DCN: variants seen among roughly 807,000 people sequenced by gnomAD.
DCN encodes the protein decorin.
A neutral mutation model predicts 36.5 loss-of-function variants in DCN; 17 were observed. That is an observed-to-expected ratio of 0.47 (90% CI 0.32 to 0.70). The LOEUF (loss-of-function observed/expected upper bound fraction) is 0.70, where lower values mean the gene tolerates loss of function less well. Ranked by LOEUF, DCN falls within the 30% of genes least tolerant of loss-of-function variation. DCN has a pLI of 0.04. For synonymous variants in DCN, 163 were observed against 161.4 expected (o/e 1.01, Z -0.07); for missense variants, 389 against 430.1 (o/e 0.90, Z 0.84).
intron 3 of DCN, among the ~76,000 whole-genome samples, chr12:91,164,399 T>TA (rs1882372625): frequency 4.6e-5 from 1 of 21,862 alleles, no homozygotes; most frequent in African/African-American, 2.4e-4. Flanking sequence ...GAAGCATAAT[T>TA]CAAAAAAAAA....
chr12:91,149,239 A>G (rs1227212753), intron 7 of DCN, among the ~76,000 whole-genome samples: 1 of 152,220 alleles, frequency 6.6e-6, no homozygotes, highest in African/African-American at 2.4e-5. Context: ...AAATGATTTC[A>G]TGCTATAGGA....
In DCN at chr12:91,148,721, C is replaced by CAAAAAAAAAAAAAAAA. The variant is rs5799978; in HGVS notation, c.886-2485_886-2470dup. ...GGTGACAGAGCGAGACGCTCCGACT[C>CAAAAAAAAAAAAAAAA]AAAAAAAAAAAAAAAAAAAAAAAAA... On this transcript the variant is annotated intron_variant, in intron 7 of 7. Coordinates refer to ENST00000052754, the MANE Select transcript of DCN (RefSeq NM_001920.5). 1.6e-3 allele frequency among the ~76,000 whole-genome samples: 78 copies of CAAAAAAAAAAAAAAAA among 49,464 alleles called. 5 individuals carry two copies. Among genetic ancestry groups the CAAAAAAAAAAAAAAAA allele is most frequent in the African/African-American group, 3.4e-3 (51 of 15,222 alleles). The allele number at this position is 49,464 out of a possible 152,430, so 32.5% of individuals were successfully genotyped here.
chr12:91,157,234 A>G (rs1565777747), intron 4 of DCN, 46 bp from the exon 5 acceptor site: 4 of 1,289,688 alleles, frequency 3.1e-6, no homozygotes, highest in Non-Finnish European at 4.5e-6. Context: ...ATTTTAGGAT[A>G]TTACTAGTCA....
intron 5 of DCN, 144 bp from the exon 6 acceptor site, chr12:91,153,333 T>C (rs1415717637): frequency 1.5e-6 from 1 of 656,016 alleles, no homozygotes; most frequent in African/African-American, 1.8e-5. Context: ...TCTTTTTTTT[T>C]CATCCCTTTT....
At chr12:91,153,975 A>G (rs1325006331) in intron 5 of DCN, among the ~76,000 whole-genome samples, 1 of 152,132 alleles carries the variant, frequency 6.6e-6, no homozygotes, top group Non-Finnish European at 1.5e-5. Context: ...GCTGTATTAT[A>G]TTTTATACAG....
At chr12:91,154,892 A>C (rs1881662155) in intron 5 of DCN, among the ~76,000 whole-genome samples, 4 of 152,098 alleles carry the variant, frequency 2.6e-5, no homozygotes, top group Non-Finnish European at 4.4e-5. Flanking sequence ...AATGCAGAAT[A>C]ATTATCCTAA....
rs900187648 is a variant in DCN, at chr12:91,145,182, G to A, written c.*876C>T. 1.3e-5 allele frequency: 2 copies of A among 152,092 alleles called. No homozygotes were observed. Among genetic ancestry groups the A allele is most frequent in the Non-Finnish European group, 2.9e-5 (2 of 68,006 alleles). 9.4% of individuals were successfully genotyped at this position (152,092 alleles called of 1,614,324 possible). On this transcript the variant is annotated 3_prime_UTR_variant, in exon 8 of 8. Coordinates refer to ENST00000052754, the MANE Select transcript of DCN (RefSeq NM_001920.5). ...TTCTACAGAAAACATTTCTAACATGGGTGGTTTAACTAAAGAAAATACTTA... is the reference window on the plus strand; with the variant it reads ...TTCTACAGAAAACATTTCTAACATGAGTGGTTTAACTAAAGAAAATACTTA...
chr12:91,163,137 C>A (rs189982815), intron 3 of DCN, among the ~76,000 whole-genome samples: 1 of 152,330 alleles, frequency 6.6e-6, no homozygotes, highest in Admixed American at 6.5e-5. Context: ...ACATCACACT[C>A]ATTCTACAGA....
At chr12:91,156,222 T>G (rs1427804343) in intron 5 of DCN, among the ~76,000 whole-genome samples, 1 of 152,192 alleles carries the variant, frequency 6.6e-6, no homozygotes, top group Non-Finnish European at 1.5e-5. Flanking sequence ...GTCATTGCTG[T>G]GTATTTGTCT....
intron 2 of DCN, among the ~76,000 whole-genome samples, chr12:91,171,797 G>A (rs900461477): frequency 6.6e-6 from 1 of 152,164 alleles, no homozygotes; most frequent in Non-Finnish European, 1.5e-5. Context: ...GACCCCAAGT[G>A]AGAACAGCCC....
chr12:91,157,236 T>C (rs1187137718), intron 4 of DCN, 48 bp from the exon 5 acceptor site: 3 of 1,272,200 alleles, frequency 2.4e-6, no homozygotes, highest in Middle Eastern at 1.8e-4. Context: ...TTTAGGATAT[T>C]ACTAGTCACT....
At chr12:91,161,130 G>T (rs562556018) in intron 3 of DCN, among the ~76,000 whole-genome samples, 1 of 152,156 alleles carries the variant, frequency 6.6e-6, no homozygotes, top group Non-Finnish European at 1.5e-5. Context: ...ATGGTTGAAG[G>T]CTCTAATGAA....
chr12:91,175,961 A>G (rs1883264805), intron 2 of DCN: 1 of 152,066 alleles, frequency 6.6e-6, no homozygotes, highest in Admixed American at 6.6e-5. Flanking sequence ...TGACCCAGGT[A>G]CCTCACACGA....
chr12:91,145,997 T>G lies in DCN; in HGVS notation c.*61A>C. The stretch of plus-strand genomic sequence containing the variant: ...TTTCCAGTATCTAGCTTTTATTTAT[T>G]TTTTAGCAATGACATTAACAAGATT... On this transcript the variant is annotated 3_prime_UTR_variant, in exon 8 of 8. Transcript: ENST00000052754. 2 of 1,370,406 alleles carry G rather than the reference T, an allele frequency of 1.5e-6. No homozygotes were observed. The highest frequency in any genetic ancestry group is 2.3e-5 in the South Asian group (2 of 85,848). The allele number at this position is 1,370,406 out of a possible 1,614,324, so 84.9% of individuals were successfully genotyped here. A position where few individuals can be genotyped will look rare whatever the true frequency, so the allele number is the denominator to read the frequency against.
At chr12:91,174,264 T>C (rs1198825290) in intron 2 of DCN, among the ~76,000 whole-genome samples, 2 of 152,062 alleles carry the variant, frequency 1.3e-5, no homozygotes, top group African/African-American at 2.4e-5. Flanking sequence ...TGGTCCTCTT[T>C]AGAGAGGTGG....
intron 2 of DCN, among the ~76,000 whole-genome samples, chr12:91,168,257 A>G (rs1882713875): frequency 6.6e-6 from 1 of 152,210 alleles, no homozygotes; most frequent in Non-Finnish European, 1.5e-5. Flanking sequence ...TATTTTATGT[A>G]AAACTCCACT....
At chr12:91,175,192 T>C (rs1171928377) in intron 2 of DCN, 1 of 152,148 alleles carries the variant, frequency 6.6e-6, no homozygotes, top group Admixed American at 6.5e-5. Context: ...CTGGTTTATT[T>C]CTTAACATGA....
rs34663648 is a variant in DCN, at chr12:91,167,472, GACAC to G, written c.212-2759_212-2756del. Among the ~76,000 whole-genome samples, 354 of 145,182 alleles carry G rather than the reference GACAC, an allele frequency of 2.4e-3. 2 individuals carry two copies. The highest frequency in any genetic ancestry group is 6.9e-3 in the African/African-American group (276 of 40,252). ...TCAGACACACACACACAGACAGACA[GACAC>G]ACACACACACACACACACACACAAT... On this transcript the variant is annotated intron_variant, in intron 2 of 7. Coordinates refer to ENST00000052754, the MANE Select transcript of DCN (RefSeq NM_001920.5).
intron 2 of DCN, among the ~76,000 whole-genome samples, chr12:91,165,152 C>G (rs978341844): frequency 6.6e-6 from 1 of 152,176 alleles, no homozygotes; most frequent in South Asian, 2.1e-4. Flanking sequence ...TAATAAAGAT[C>G]TTTTTGATAC....
Sources: gnomAD v4.1 joint callset for allele counts (sites outside exome capture counted in the v4.1 genomes callset) on GRCh38, gnomAD v4.1.1 for gene constraint, MANE v1.5 for transcripts, NCBI Gene and HGNC (gene_info 2026-07-23, HGNC 2026-07-21) for gene names.